NELL1: variants seen among roughly 807,000 people sequenced by gnomAD.
NELL1 encodes neural EGFL like 1.
Under a neutral mutation model 107.4 loss-of-function variants are expected in NELL1, and 76 were observed. The ratio of observed to expected loss-of-function variants is 0.71; its 90% CI spans 0.59 to 0.86. The LOEUF (loss-of-function observed/expected upper bound fraction) is 0.86. Ranked by LOEUF, NELL1 falls within the 40% of genes least tolerant of loss-of-function variation. NELL1 has a pLI of 0.00. For synonymous variants in NELL1, 353 were observed against 341.2 expected (o/e 1.03, Z -0.38); for missense variants, 1,024 against 1,005.5 (o/e 1.02, Z -0.25).
chr11:21,009,149 C>T (rs1342311762), intron 12 of NELL1, among the ~76,000 whole-genome samples: 5 of 152,130 alleles, frequency 3.3e-5, no homozygotes, highest in Non-Finnish European at 1.5e-5. Flanking sequence ...CAAGGATGCT[C>T]ATCTCTGATT....
In NELL1 at chr11:20,956,144, G is replaced by A. The variant is rs1222235219; in HGVS notation, c.1172-4288G>A. 3.3e-5 allele frequency among the ~76,000 whole-genome samples: 5 copies of A among 152,126 alleles called. No individual in the cohort carries two copies. The South Asian group carries it at 6.2e-4, about 19-fold the overall frequency. ...TGAGGCAGGAGAATCGCTTGAACCC[G>A]GGAGGTGGGGTTTGCAGTGAGCTGA... On this transcript the variant is annotated intron_variant, in intron 11 of 19. Transcript: ENST00000357134.
At chr11:21,090,280 A>G (rs1351040793) in intron 12 of NELL1, among the ~76,000 whole-genome samples, 1 of 152,142 alleles carries the variant, frequency 6.6e-6, no homozygotes, top group Non-Finnish European at 1.5e-5. Context: ...TGAGGGTGTT[A>G]GCCACAAAAT....
intron 12 of NELL1, among the ~76,000 whole-genome samples, chr11:21,017,287 G>A (rs774295909): frequency 6.6e-6 from 1 of 152,128 alleles, no homozygotes; most frequent in Non-Finnish European, 1.5e-5. Context: ...TCTTGAGAAT[G>A]ACTTGTTTGC....
chr11:21,293,320 CAT>C (rs1156327536), intron 14 of NELL1, among the ~76,000 whole-genome samples: 2 of 152,074 alleles, frequency 1.3e-5, no homozygotes, highest in Non-Finnish European at 2.9e-5. Flanking sequence ...AGCTAACAAA[CAT>C]ATGAAAAAAA....
chr11:20,922,705 A>G (rs1204620314), intron 7 of NELL1, among the ~76,000 whole-genome samples: 1 of 152,156 alleles, frequency 6.6e-6, no homozygotes. Flanking sequence ...CATATAGGTC[A>G]TAGTGGAGAT....
At chr11:20,799,828 AG>A (rs1306911745) in intron 3 of NELL1, among the ~76,000 whole-genome samples, 1 of 152,200 alleles carries the variant, frequency 6.6e-6, no homozygotes, top group Non-Finnish European at 1.5e-5. Flanking sequence ...ACTATCCAAT[AG>A]GTAGTTTTTT....
intron 14 of NELL1, among the ~76,000 whole-genome samples, chr11:21,272,725 C>A (rs1022275440): frequency 1.3e-5 from 2 of 152,218 alleles, no homozygotes; most frequent in Non-Finnish European, 2.9e-5. Context: ...AACGATCAGG[C>A]AGCAACATCT....
intron 7 of NELL1, among the ~76,000 whole-genome samples, chr11:20,925,037 A>G (rs1850462756): frequency 6.6e-6 from 1 of 152,142 alleles, no homozygotes; most frequent in Non-Finnish European, 1.5e-5. Flanking sequence ...TTATCTAGAG[A>G]TGACTTAAAG....
intron 5 of NELL1, among the ~76,000 whole-genome samples, chr11:20,908,252 C>G (rs553108124): frequency 1.3e-5 from 2 of 152,262 alleles, no homozygotes; most frequent in Admixed American, 1.3e-4. Flanking sequence ...CACATGCACA[C>G]GTATGTTTAT....
intron 19 of NELL1, 94 bp downstream of exon 19, chr11:21,573,503 C>A: frequency 9.6e-7 from 1 of 1,037,336 alleles, no homozygotes; most frequent in Non-Finnish European, 1.5e-6. Context: ...TACACAGGTT[C>A]AATGGACATG....
intron 12 of NELL1, among the ~76,000 whole-genome samples, chr11:21,030,034 A>G (rs1397803049): frequency 2.0e-5 from 3 of 152,226 alleles, no homozygotes; most frequent in African/African-American, 7.2e-5. Context: ...AAGTGATTGG[A>G]AGCTCATCAC....
chr11:21,035,624 A>G (rs2134323499), intron 12 of NELL1, among the ~76,000 whole-genome samples: 1 of 152,308 alleles, frequency 6.6e-6, no homozygotes, highest in East Asian at 1.9e-4. Flanking sequence ...ATAGAACCAA[A>G]GACAAAAGGC....
At chr11:20,945,057 CT>C (rs1850935092) in intron 10 of NELL1, among the ~76,000 whole-genome samples, 1 of 152,120 alleles carries the variant, frequency 6.6e-6, no homozygotes, top group Non-Finnish European at 1.5e-5. Context: ...TAGAGATAAT[CT>C]TTTAACAGTT....
At chr11:21,191,093 A>G (rs930849806) in intron 13 of NELL1, among the ~76,000 whole-genome samples, 2 of 151,822 alleles carry the variant, frequency 1.3e-5, no homozygotes, top group African/African-American at 4.9e-5. Context: ...GGTAGGCAAA[A>G]TAATTCCTCC....
intron 14 of NELL1, among the ~76,000 whole-genome samples, chr11:21,330,204 A>G (rs1850239720): frequency 6.6e-6 from 1 of 152,154 alleles, no homozygotes. Context: ...AGGCTTAACA[A>G]TACAAATGCA....
intron 13 of NELL1, among the ~76,000 whole-genome samples, chr11:21,144,545 C>G (rs1855935563): frequency 6.6e-6 from 1 of 152,116 alleles, no homozygotes; most frequent in African/African-American, 2.4e-5. Flanking sequence ...AGCAGGAGCA[C>G]CCTATCTTTT....
At chr11:21,540,815 G>T (rs1856273925) in intron 16 of NELL1, among the ~76,000 whole-genome samples, 1 of 151,970 alleles carries the variant, frequency 6.6e-6, no homozygotes, top group Non-Finnish European at 1.5e-5. Context: ...CATGAGCTTT[G>T]GGTGGAGACA....
intron 14 of NELL1, among the ~76,000 whole-genome samples, chr11:21,354,622 T>G (rs1388605381): frequency 6.6e-6 from 1 of 152,188 alleles, no homozygotes; most frequent in Non-Finnish European, 1.5e-5. Flanking sequence ...GTGAAGTGCT[T>G]TTTAAACAAA....
rs1280764455 is a variant in NELL1, at chr11:21,503,161, G to A, written c.1646-31213G>A. On this transcript the variant is annotated intron_variant, in intron 15 of 19. Transcript: ENST00000357134. The stretch of plus-strand genomic sequence containing the variant: ...CTCCCAAAGTGCCGGGACTACAAGC[G>A]TGAGCCACTGCACCCAGCCTAATAA... Among the ~76,000 whole-genome samples, 7 of 152,218 alleles carry A rather than the reference G, an allele frequency of 4.6e-5. No individual in the cohort carries two copies. The South Asian group carries it at 1.0e-3, about 23-fold the overall frequency.
Sources: gnomAD v4.1 joint callset for allele counts (sites outside exome capture counted in the v4.1 genomes callset) on GRCh38, gnomAD v4.1.1 for gene constraint, MANE v1.5 for transcripts, NCBI Gene and HGNC (gene_info 2026-07-23, HGNC 2026-07-21) for gene names.